Variants in CNIH3 observed in about 807,000 individuals in gnomAD.
The protein encoded by CNIH3 is cornichon family AMPA receptor auxiliary protein 3, also known as protein cornichon homolog 3.
In CNIH3, 14 loss-of-function variants were observed where a neutral mutation model predicts 24.1. The observed-to-expected ratio is 0.58, with a 90% CI of 0.38 to 0.91. The LOEUF (loss-of-function observed/expected upper bound fraction) is 0.91. Ranked by LOEUF, CNIH3 falls within the 40% of genes least tolerant of loss-of-function variation. The pLI is 0.00. For synonymous variants in CNIH3, 68 were observed against 73.8 expected (o/e 0.92, Z 0.40); for missense variants, 178 against 196.8 (o/e 0.90, Z 0.57).
At chr1:224,550,634 A>G (rs1444055975) in intron 3 of CNIH3, among the ~76,000 whole-genome samples, 1 of 152,196 alleles carries the variant, frequency 6.6e-6, no homozygotes, top group Non-Finnish European at 1.5e-5. Flanking sequence ...TATCAAAGTG[A>G]TATTTCATAA....
intron 1 of CNIH3, among the ~76,000 whole-genome samples, chr1:224,463,265 G>C (rs889200269): frequency 6.6e-6 from 1 of 152,190 alleles, no homozygotes; most frequent in Non-Finnish European, 1.5e-5. Context: ...TCCCAATGAT[G>C]TGTGAGAGTC....
intron 3 of CNIH3, among the ~76,000 whole-genome samples, chr1:224,725,776 C>T (rs2125232768): frequency 1.3e-5 from 2 of 152,308 alleles, no homozygotes; most frequent in Middle Eastern, 6.8e-3. Context: ...TAAGGAATCC[C>T]TTTTCTCCAC....
intron 1 of CNIH3, among the ~76,000 whole-genome samples, chr1:224,669,998 A>G (rs1301283296): frequency 2.0e-5 from 3 of 151,710 alleles, no homozygotes; most frequent in Non-Finnish European, 4.4e-5. Context: ...TCCTGGTGCT[A>G]TAGTCTGTAT....
At chr1:224,571,582 G>A (rs1462320520) in intron 4 of CNIH3, among the ~76,000 whole-genome samples, 7 of 151,940 alleles carry the variant, frequency 4.6e-5, no homozygotes, top group Non-Finnish European at 1.0e-4. Context: ...AAAATTAACC[G>A]GGCATGGTGC....
intron 1 of CNIH3, among the ~76,000 whole-genome samples, chr1:224,462,234 C>T (rs906746313): frequency 2.0e-5 from 3 of 152,166 alleles, no homozygotes; most frequent in East Asian, 3.8e-4. Flanking sequence ...CATGTGGTGT[C>T]GTACATTCTA....
chr1:224,590,049 G>A (rs1264162986), downstream of CNIH3, among the ~76,000 whole-genome samples: 2 of 152,052 alleles, frequency 1.3e-5, no homozygotes, highest in African/African-American at 4.8e-5. Flanking sequence ...GCTAATTTTT[G>A]TAATTTTAGT....
chr1:224,690,425 T>G (rs1686875026), intron 3 of CNIH3, among the ~76,000 whole-genome samples: 1 of 152,194 alleles, frequency 6.6e-6, no homozygotes. Flanking sequence ...GGTCTCGAAC[T>G]CCTGACCTCA....
Position 224,730,480 on chromosome 1 carries a change from T to C in CNIH3, c.217T>C (p.Ser73Pro). Residue 73 changes from serine to proline, a missense_variant, in exon 4 of 6, where the codon TCC becomes CCC. Coordinates refer to ENST00000272133, the MANE Select transcript of CNIH3 (RefSeq NM_152495.2). ...LLRKLVLPEYSIHSLFCIMFL... is the reference protein window; with the variant it reads ...LLRKLVLPEYPIHSLFCIMFL... ...TCTTCAGCTGGTGCTGCCAGAATACTCCATCCATAGCCTCTTCTGCATTAT... is the reference window on the plus strand; with the variant it reads ...TCTTCAGCTGGTGCTGCCAGAATACCCCATCCATAGCCTCTTCTGCATTAT... 2 of 1,558,380 alleles carry C rather than the reference T, an allele frequency of 1.3e-6. No homozygotes were observed. The highest frequency in any genetic ancestry group is 1.7e-6 in the Non-Finnish European group (2 of 1,149,556).
chr1:224,724,306 C>CA (rs1257709147), intron 3 of CNIH3, among the ~76,000 whole-genome samples: 1 of 152,198 alleles, frequency 6.6e-6, no homozygotes, highest in Non-Finnish European at 1.5e-5. Flanking sequence ...TAGTCCCTGA[C>CA]ACAGCAAGGC....
intron 3 of CNIH3, among the ~76,000 whole-genome samples, chr1:224,714,304 T>G (rs1688311486): frequency 6.6e-6 from 1 of 152,186 alleles, no homozygotes; most frequent in African/African-American, 2.4e-5. Context: ...CATATTCCTT[T>G]GTAAGACCCC....
At chr1:224,597,845 G>C (rs954313034) in intron 3 of CNIH3, among the ~76,000 whole-genome samples, 1 of 152,224 alleles carries the variant, frequency 6.6e-6, no homozygotes, top group Non-Finnish European at 1.5e-5. Flanking sequence ...GTCAGAAACA[G>C]GTAAAATGAC....
Position 224,730,472 on chromosome 1 carries a change from C to T in CNIH3, c.209C>T (p.Pro70Leu). ...ICFLLRKLVL[P>L]EYSIHSLFCI... is the part of the protein sequence containing the mutation. ...CTGCTCCCTCTTCAGCTGGTGCTGC[C>T]AGAATACTCCATCCATAGCCTCTTC... The change falls in exon 4 of 6, where the codon CCA becomes CTA. Residue 70 changes from proline to leucine, a missense_variant. Pro to Leu is a moderately conservative substitution (Grantham distance 98). Coordinates refer to ENST00000272133, the MANE Select transcript of CNIH3 (RefSeq NM_152495.2). 6.4e-7 allele frequency: 1 copy of T among 1,556,430 alleles called. No individual in the cohort carries two copies. Among genetic ancestry groups the T allele is most frequent in the Non-Finnish European group, 8.7e-7 (1 of 1,148,618 alleles).
Position 224,616,537 on chromosome 1 carries a change from G to T in CNIH3, c.-638G>T, listed in dbSNP as rs1682998164. ...GTTGGGGACGGGCGCGCCTCGGAGC[G>T]CACGGCTGCGCTGGAAGCCGCGTCT... On this transcript the variant is annotated 5_prime_UTR_variant, in exon 1 of 6. Transcript: ENST00000272133. 2 of 986,626 alleles carry T rather than the reference G, an allele frequency of 2.0e-6. No individual in the cohort carries two copies. Among genetic ancestry groups the T allele is most frequent in the Non-Finnish European group, 2.4e-6 (2 of 830,716 alleles). The allele number at this position is 986,626 out of a possible 1,614,324, so 61.1% of individuals were successfully genotyped here.
intron 1 of CNIH3, among the ~76,000 whole-genome samples, chr1:224,656,750 GT>G (rs905195215): frequency 6.6e-6 from 1 of 152,212 alleles, no homozygotes; most frequent in Non-Finnish European, 1.5e-5. Context: ...GGATCCTCCA[GT>G]TTCAAAGAGT....
chr1:224,595,318 T>C (rs1268284326), intron 3 of CNIH3, among the ~76,000 whole-genome samples: 1 of 152,186 alleles, frequency 6.6e-6, no homozygotes, highest in African/African-American at 2.4e-5. Flanking sequence ...GGTGCTGGGA[T>C]TACAGGTATG....
chr1:224,679,181 A>G (rs1026580032), intron 1 of CNIH3, among the ~76,000 whole-genome samples: 8 of 151,916 alleles, frequency 5.3e-5, no homozygotes, highest in African/African-American at 1.9e-4. Flanking sequence ...TTTTTTTTGT[A>G]TTTGTATTTT....
intron 1 of CNIH3, among the ~76,000 whole-genome samples, chr1:224,630,914 G>A (rs12565092): frequency 0.23 from 35,278 of 151,864 alleles, 4,456 homozygotes; most frequent in East Asian, 0.36. Flanking sequence ...GAATCCCAGC[G>A]CTTCGGGAGG....
chr1:224,643,400 G>A (rs1411637633), intron 1 of CNIH3, among the ~76,000 whole-genome samples: 3 of 152,204 alleles, frequency 2.0e-5, no homozygotes, highest in Admixed American at 2.0e-4. Context: ...GGAAACTAGG[G>A]AAAATGCAGC....
At chr1:224,564,328 C>T (rs563650023) in intron 3 of CNIH3, among the ~76,000 whole-genome samples, 14 of 152,212 alleles carry the variant, frequency 9.2e-5, no homozygotes, top group South Asian at 6.2e-4. Flanking sequence ...TCTAAAATGA[C>T]GAAAATGGAG....
Sources: allele counts gnomAD v4.1 joint callset (sites outside exome capture counted in the v4.1 genomes callset), GRCh38; gene constraint gnomAD v4.1.1; transcripts MANE v1.5; gene names NCBI Gene and HGNC (gene_info 2026-07-23, HGNC 2026-07-21).